Variants in FMO1 observed in about 807,000 individuals in gnomAD.
FMO1 encodes the protein flavin containing dimethylaniline monoxygenase 1.
FMO1 carries 36 observed loss-of-function variants against 45.4 expected under a neutral mutation model. The ratio of observed to expected loss-of-function variants is 0.79; its 90% CI spans 0.61 to 1.05. The LOEUF (loss-of-function observed/expected upper bound fraction) is 1.05, where lower values mean the gene tolerates loss of function less well. Ranked by LOEUF, FMO1 falls within the 50% of genes least tolerant of loss-of-function variation. The probability of loss-of-function intolerance (pLI) is 0.00; values close to 1 mark genes in which losing one functional copy is unlikely to be tolerated. For missense variants in FMO1, 615 were observed against 640.3 expected (o/e 0.96, Z 0.43); for synonymous variants, 228 against 227.2 (o/e 1.00, Z -0.03).
intron 1 of FMO1, among the ~76,000 whole-genome samples, chr1:171,256,335 G>A (rs965074072): frequency 1.3e-5 from 2 of 150,776 alleles, no homozygotes; most frequent in African/African-American, 2.4e-5. Context: ...GTAAACTGAG[G>A]CTCAAAAGGG....
intron 3 of FMO1, among the ~76,000 whole-genome samples, 197 bp from the exon 4 acceptor site, chr1:171,275,149 A>G (rs1338414644): frequency 1.3e-5 from 2 of 152,226 alleles, no homozygotes; most frequent in African/African-American, 2.4e-5. Flanking sequence ...CTTGTCTTAG[A>G]TATCTCTCCA....
intron 6 of FMO1, 63 bp downstream of exon 6, chr1:171,281,048 T>A: frequency 7.2e-7 from 1 of 1,391,188 alleles, no homozygotes; most frequent in Non-Finnish European, 1.0e-6. Context: ...TCCAGCAGCC[T>A]ATACAAGCCA....
intron 3 of FMO1, chr1:171,271,082 C>A: frequency 1.1e-6 from 1 of 926,832 alleles, no homozygotes; most frequent in Non-Finnish European, 1.7e-6. Context: ...TTTTTTGCTG[C>A]ATCAGGCTTC....
Position 171,285,648 on chromosome 1 carries a change from GTA to G in FMO1, c.*105_*106del. 3.1e-6 allele frequency: 2 copies of G among 637,440 alleles called. No individual in the cohort carries two copies. The highest frequency in any genetic ancestry group is 4.8e-6 in the Non-Finnish European group (2 of 417,448). The allele number at this position is 637,440 out of a possible 1,614,324, so 39.5% of individuals were successfully genotyped here. ...CACAGTTATAAACTGTATTCAAATAGTAAAGGCCACCCTCTCGCTTCCCTGGC... is the reference window on the plus strand; with the variant it reads ...CACAGTTATAAACTGTATTCAAATAGAAGGCCACCCTCTCGCTTCCCTGGC... On this transcript the variant is annotated 3_prime_UTR_variant, in exon 9 of 9. Transcript: ENST00000617670.
At chr1:171,273,108 C>G (rs1340324291) in intron 3 of FMO1, among the ~76,000 whole-genome samples, 1 of 152,172 alleles carries the variant, frequency 6.6e-6, no homozygotes, top group Non-Finnish European at 1.5e-5. Flanking sequence ...GTGAATAAGT[C>G]TCACAAGATC....
intron 3 of FMO1, among the ~76,000 whole-genome samples, chr1:171,272,860 T>G (rs902923518): frequency 4.6e-5 from 7 of 152,338 alleles, no homozygotes; most frequent in African/African-American, 1.2e-4. Context: ...GACTTTGGAC[T>G]GTGGACTTTT....
At chr1:171,263,441 T>C (rs1220365020) in intron 2 of FMO1, among the ~76,000 whole-genome samples, 2 of 152,202 alleles carry the variant, frequency 1.3e-5, no homozygotes, top group Non-Finnish European at 2.9e-5. Context: ...CTACATTGCA[T>C]GCATTTCTGG....
intron 2 of FMO1, among the ~76,000 whole-genome samples, chr1:171,265,480 T>C (rs1480184147): frequency 4.6e-5 from 7 of 151,720 alleles, no homozygotes; most frequent in African/African-American, 1.7e-4. Context: ...AAATGTAAAT[T>C]TGAAATTTAT....
At chr1:171,263,754 A>AC (rs1373277532) in intron 2 of FMO1, among the ~76,000 whole-genome samples, 4 of 151,690 alleles carry the variant, frequency 2.6e-5, no homozygotes, top group Non-Finnish European at 4.4e-5. Context: ...CAACTGGTGG[A>AC]CCCCCCACCA....
chr1:171,267,656 G>A lies in FMO1; in HGVS notation c.246G>A (p.Val82=), dbSNP rs749632600. The change falls in exon 3 of 9, where the codon GTG becomes GTA. Residue 82 remains valine, a synonymous_variant. Coordinates refer to ENST00000617670, the MANE Select transcript of FMO1 (RefSeq NM_001282693.2). ...TCCCAGAAGATTATCCAAACTATGT[G>A]CCAAATTCTCAATTCCTGGAATATC... ...FPFPEDYPNY[V]PNSQFLEYLK... 1.9e-6 allele frequency: 3 copies of A among 1,614,050 alleles called. No homozygotes were observed. The highest frequency in any genetic ancestry group is 2.2e-5 in the East Asian group (1 of 44,878).
At chr1:171,278,360 A>C (rs1661196719) in intron 4 of FMO1, among the ~76,000 whole-genome samples, 1 of 152,252 alleles carries the variant, frequency 6.6e-6, no homozygotes, top group South Asian at 2.1e-4. Context: ...GCTTATGAAA[A>C]GCTTATATAA....
chr1:171,248,968 CTCT>C (rs1235741264), intron 1 of FMO1, among the ~76,000 whole-genome samples: 1 of 115,388 alleles, frequency 8.7e-6, no homozygotes, highest in African/African-American at 3.4e-5. Flanking sequence ...GAGGAAAAGT[CTCT>C]TTTTTTTTTT....
chr1:171,274,147 T>TAA (rs1209368047), intron 3 of FMO1, among the ~76,000 whole-genome samples: 1 of 94,574 alleles, frequency 1.1e-5, no homozygotes, highest in Non-Finnish European at 2.0e-5. Context: ...AGACTCCATC[T>TAA]CAAAAAAAAA....
chr1:171,282,720 C>T lies in FMO1; in HGVS notation c.1183+387C>T, dbSNP rs181157291. 2.0e-3 allele frequency: 433 copies of T among 220,058 alleles called. 3 individuals are homozygous for T. Among genetic ancestry groups the T allele is most frequent in the Non-Finnish European group, 1.0e-3 (115 of 112,370 alleles). 13.6% of individuals were successfully genotyped at this position (220,058 alleles called of 1,614,324 possible). ...GCAGCCTCAAACTCCTGGTCTCAAG[C>T]AATCCTCCTACCTCAGTCTCCTGAG... On this transcript the variant is annotated intron_variant, in intron 7 of 8. Transcript: ENST00000617670.
chr1:171,285,496 C>G lies in FMO1; in HGVS notation c.1551C>G (p.Val517=). ...CTCCCTTTGAAAGTTTTCTTAAAGT[C>G]TTTAGCTTTCTGGCTTTGCTTGTGG... ...SPSPFESFLK[V]FSFLALLVAI... is the part of the protein sequence containing the mutation. The change falls in exon 9 of 9, where the codon GTC becomes GTG. Residue 517 remains valine, a synonymous_variant. Transcript: ENST00000617670. The G allele has an allele frequency of 2.6e-6, 4 of 1,518,924 alleles. No homozygotes were observed. Among genetic ancestry groups the G allele is most frequent in the Non-Finnish European group, 3.5e-6 (4 of 1,135,910 alleles). 94.1% of individuals were successfully genotyped at this position (1,518,924 alleles called of 1,614,324 possible).
chr1:171,285,601 T>C lies in FMO1; in HGVS notation c.*57T>C. 9.5e-7 allele frequency: 1 copy of C among 1,052,374 alleles called. No individual in the cohort carries two copies. The highest frequency in any genetic ancestry group is 1.4e-6 in the Non-Finnish European group (1 of 728,536). The allele number at this position is 1,052,374 out of a possible 1,614,324, so 65.2% of individuals were successfully genotyped here. A position where few individuals can be genotyped will look rare whatever the true frequency, so the allele number is the denominator to read the frequency against. On this transcript the variant is annotated 3_prime_UTR_variant, in exon 9 of 9. Coordinates refer to ENST00000617670, the MANE Select transcript of FMO1 (RefSeq NM_001282693.2). ...AGTAGATTTACAATGCTCCAATTCC[T>C]CTCTTACAGCAATATTGCCTTCACA...
At chr1:171,268,718 A>G (rs1660722957) in intron 3 of FMO1, among the ~76,000 whole-genome samples, 1 of 152,098 alleles carries the variant, frequency 6.6e-6, no homozygotes, top group Non-Finnish European at 1.5e-5. Context: ...TGAGGAATTC[A>G]CAGAGAATTA....
chr1:171,285,499 T>C lies in FMO1; in HGVS notation c.1554T>C (p.Phe518=). Residue 518 remains phenylalanine (F), a synonymous_variant, in exon 9 of 9, where the codon TTT becomes TTC. Transcript: ENST00000617670. ...CCTTTGAAAGTTTTCTTAAAGTCTT[T>C]AGCTTTCTGGCTTTGCTTGTGGCTA... ...PSPFESFLKV[F]SFLALLVAIF... The C allele has an allele frequency of 2.6e-6, 4 of 1,520,416 alleles. No homozygotes were observed. The highest frequency in any genetic ancestry group is 3.5e-6 in the Non-Finnish European group (4 of 1,136,670). 94.2% of individuals were successfully genotyped at this position (1,520,416 alleles called of 1,614,324 possible). A position where few individuals can be genotyped will look rare whatever the true frequency, so the allele number is the denominator to read the frequency against.
At chr1:171,266,038 T>G (rs1179613132) in intron 2 of FMO1, among the ~76,000 whole-genome samples, 1 of 152,218 alleles carries the variant, frequency 6.6e-6, no homozygotes, top group Non-Finnish European at 1.5e-5. Flanking sequence ...TTCAAATAAC[T>G]TATACTGTAA....
Sources: allele counts gnomAD v4.1 joint callset (sites outside exome capture counted in the v4.1 genomes callset), GRCh38; gene constraint gnomAD v4.1.1; transcripts MANE v1.5; gene names NCBI Gene and HGNC (gene_info 2026-07-23, HGNC 2026-07-21).